Variants in SEC22C observed in about 807,000 individuals in gnomAD.
SEC22C encodes SEC22 homolog C, vesicle trafficking protein.
SEC22C carries 29 observed loss-of-function variants against 34.7 expected under a neutral mutation model. The ratio of observed to expected loss-of-function variants is 0.84; its 90% CI spans 0.62 to 1.14. The LOEUF (loss-of-function observed/expected upper bound fraction) is 1.14. Ranked by LOEUF, SEC22C falls within the 50% of genes most tolerant of loss-of-function variation. SEC22C has a pLI of 0.00. For missense variants in SEC22C, 337 were observed against 369.0 expected (o/e 0.91, Z 0.71); for synonymous variants, 117 against 132.8 (o/e 0.88, Z 0.82).
chr3:42,551,791 T>C lies in SEC22C; in HGVS notation c.*1457A>G, dbSNP rs1702272127. 8.2e-6 allele frequency: 8 copies of C among 973,302 alleles called. No individual in the cohort carries two copies. The South Asian group carries it at 3.8e-4, about 46-fold the overall frequency. 60.3% of individuals were successfully genotyped at this position (973,302 alleles called of 1,614,324 possible). A position where few individuals can be genotyped will look rare whatever the true frequency, so the allele number is the denominator to read the frequency against. Reference sequence around the variant, plus strand: ...TAGCTCAATAACAATACAATACCAGTGATAACCAAATATAATTGAATTTTT... The same window carrying C: ...TAGCTCAATAACAATACAATACCAGCGATAACCAAATATAATTGAATTTTT... On this transcript the variant is annotated 3_prime_UTR_variant, in exon 7 of 7. Transcript: ENST00000264454.
At position 42,548,528 on chromosome 3, in the gene SEC22C, T is replaced by G; in HGVS notation, c.*4720A>C. The stretch of plus-strand genomic sequence containing the variant: ...CCCTTTTCCACAGGCTCCCTGCTGA[T>G]GAGATTTCCCCAGCAGCAGAAGTTT... On this transcript the variant is annotated 3_prime_UTR_variant, in exon 7 of 7. Coordinates refer to ENST00000264454, the MANE Select transcript of SEC22C (RefSeq NM_032970.4). The G allele has an allele frequency of 1.5e-3, 2,170 of 1,471,306 alleles. No individual in the cohort carries two copies. The highest frequency in any genetic ancestry group is 2.1e-3 in the Middle Eastern group (9 of 4,286). 91.1% of individuals were successfully genotyped at this position (1,471,306 alleles called of 1,614,324 possible). A position where few individuals can be genotyped will look rare whatever the true frequency, so the allele number is the denominator to read the frequency against.
intron 2 of SEC22C, chr3:42,564,514 C>T (rs1703116713): frequency 6.6e-6 from 1 of 152,468 alleles, no homozygotes; most frequent in Non-Finnish European, 1.5e-5. Flanking sequence ...CACTCTGGGA[C>T]CAATACTGAT....
intron 1 of SEC22C, chr3:42,600,892 T>C: frequency 1.3e-6 from 1 of 746,888 alleles, no homozygotes; most frequent in Non-Finnish European, 1.9e-6. Context: ...TGAGGCACCG[T>C]GGCGCGGACT....
chr3:42,591,085 C>T (rs1704817355), intron 1 of SEC22C: 1 of 1,173,358 alleles, frequency 8.5e-7, no homozygotes, highest in African/African-American at 1.5e-5. Context: ...GGGTGCTGAG[C>T]AGCCGGGGTG....
At chr3:42,580,333 A>G (rs1366750779) in intron 1 of SEC22C, 1 of 152,266 alleles carries the variant, frequency 6.6e-6, no homozygotes, top group Non-Finnish European at 1.5e-5. Context: ...CATTTGGCAC[A>G]CAAATATTCA....
intron 1 of SEC22C, among the ~76,000 whole-genome samples, chr3:42,570,134 G>A (rs1364174636): frequency 1.3e-5 from 2 of 152,048 alleles, no homozygotes; most frequent in East Asian, 3.9e-4. Context: ...AGAACTCTAG[G>A]GATGCAACCT....
At chr3:42,557,543 A>G in intron 5 of SEC22C, 35 bp downstream of exon 5, 1 of 1,012,534 alleles carries the variant, frequency 9.9e-7, no homozygotes, top group Non-Finnish European at 1.5e-6. Context: ...TATGTCCTTC[A>G]ATTTAAACTG....
intron 1 of SEC22C, chr3:42,591,021 G>C: frequency 6.5e-7 from 1 of 1,538,032 alleles, no homozygotes; most frequent in South Asian, 1.2e-5. Flanking sequence ...ATCCCGAGGG[G>C]CTGCGGGGTG....
intron 4 of SEC22C, among the ~76,000 whole-genome samples, chr3:42,560,160 ATT>A (rs1327465670): frequency 6.9e-6 from 1 of 145,406 alleles, no homozygotes; most frequent in East Asian, 2.0e-4. Context: ...TTTTATATAT[ATT>A]ATATATATTT....
intron 1 of SEC22C, among the ~76,000 whole-genome samples, chr3:42,573,723 C>T (rs1017912858): frequency 6.6e-6 from 1 of 151,878 alleles, no homozygotes; most frequent in Non-Finnish European, 1.5e-5. Flanking sequence ...AATGGATGGA[C>T]TCAATAGAAA....
intron 1 of SEC22C, among the ~76,000 whole-genome samples, chr3:42,578,122 C>T (rs1261552613): frequency 1.3e-5 from 2 of 152,210 alleles, no homozygotes; most frequent in Non-Finnish European, 2.9e-5. Flanking sequence ...TTGCTCATTG[C>T]AGCTTTATTT....
At chr3:42,592,567 C>G (rs939472243) in intron 1 of SEC22C, among the ~76,000 whole-genome samples, 4 of 152,274 alleles carry the variant, frequency 2.6e-5, no homozygotes, top group Non-Finnish European at 5.9e-5. Flanking sequence ...ACAATCCCTA[C>G]CCCCTAGAAA....
At chr3:42,571,536 A>G (rs1220731357) in intron 1 of SEC22C, among the ~76,000 whole-genome samples, 3 of 152,240 alleles carry the variant, frequency 2.0e-5, no homozygotes, top group African/African-American at 4.8e-5. Flanking sequence ...ACGGAAGAGT[A>G]TAAGAATGAA....
intron 1 of SEC22C, among the ~76,000 whole-genome samples, chr3:42,579,149 T>A (rs1015374850): frequency 2.0e-5 from 3 of 152,210 alleles, no homozygotes; most frequent in Middle Eastern, 3.4e-3. Context: ...TGGTGGTACA[T>A]GCCTGTAATC....
chr3:42,587,797 C>T (rs1209631306), intron 1 of SEC22C, among the ~76,000 whole-genome samples: 1 of 151,624 alleles, frequency 6.6e-6, no homozygotes, highest in Non-Finnish European at 1.5e-5. Flanking sequence ...TTAGGCCAGG[C>T]TCTGTGGCTC....
At position 42,550,631 on chromosome 3, in the gene SEC22C, A is replaced by G; in HGVS notation, c.*2617T>C. 1.9e-5 allele frequency: 19 copies of G among 984,796 alleles called. No homozygotes were observed. Among genetic ancestry groups the G allele is most frequent in the Non-Finnish European group, 2.3e-5 (19 of 829,836 alleles). 61.0% of individuals were successfully genotyped at this position (984,796 alleles called of 1,614,324 possible). A position where few individuals can be genotyped will look rare whatever the true frequency, so the allele number is the denominator to read the frequency against. On this transcript the variant is annotated 3_prime_UTR_variant, in exon 7 of 7. Transcript: ENST00000264454. ...TGTTTGCAAAAGTCAATCTCACCCC[A>G]TGTAGATGTTAACTGATATCCACAC... is the stretch of plus-strand genomic sequence containing the variant.
chr3:42,560,490 A>C (rs1261333921), intron 4 of SEC22C, among the ~76,000 whole-genome samples: 2 of 150,672 alleles, frequency 1.3e-5, no homozygotes, highest in Non-Finnish European at 3.0e-5. Flanking sequence ...CCTGGGCTGT[A>C]ACATGGTGAA....
intron 1 of SEC22C, chr3:42,591,127 C>A: frequency 1.3e-6 from 1 of 744,244 alleles, no homozygotes; most frequent in Admixed American, 2.1e-5. Context: ...TCAGCACAGG[C>A]GCCGGGGCAG....
intron 1 of SEC22C, chr3:42,591,109 G>A (rs1453793927): frequency 6.3e-6 from 6 of 956,838 alleles, no homozygotes; most frequent in African/African-American, 1.6e-5. Context: ...GGTGAGATGG[G>A]CACGAAATCA....
Sources: gnomAD v4.1 joint callset for allele counts (sites outside exome capture counted in the v4.1 genomes callset) on GRCh38, gnomAD v4.1.1 for gene constraint, MANE v1.5 for transcripts, NCBI Gene and HGNC (gene_info 2026-07-23, HGNC 2026-07-21) for gene names.